TMEM67: variants seen among roughly 807,000 people sequenced by gnomAD.
The protein encoded by TMEM67 is transmembrane protein 67, also known as meckelin.
Under a neutral mutation model 136.6 loss-of-function variants are expected in TMEM67, and 124 were observed. That is an observed-to-expected ratio of 0.91 (90% CI 0.78 to 1.05). The LOEUF (loss-of-function observed/expected upper bound fraction) is 1.05. Ranked by LOEUF, TMEM67 falls within the 50% of genes least tolerant of loss-of-function variation. TMEM67 has a pLI of 0.00. For synonymous variants in TMEM67, 364 were observed against 390.5 expected, an observed-to-expected ratio of 0.93 and a Z score of 0.80; for missense variants, 1,107 against 1,178.4, an observed-to-expected ratio of 0.94 and a Z score of 0.89.
chr8:93,815,270 A>G lies in TMEM67; in HGVS notation c.2765-35A>G, dbSNP rs1435950398. On this transcript the variant is annotated intron_variant, in intron 26 of 27. Coordinates refer to ENST00000453321, the MANE Select transcript of TMEM67 (RefSeq NM_153704.6). ...TATCACAGACTTGTTCCTTTTTTAA[A>G]TTTCTAATTTATATTTTCTAAATTT... is the stretch of plus-strand genomic sequence containing the variant. 6 of 1,418,776 alleles carry G rather than the reference A, an allele frequency of 4.2e-6. No homozygotes were observed. In the African/African-American group the frequency reaches 7.2e-5, roughly 17 times the overall value. The allele number at this position is 1,418,776 out of a possible 1,614,324, so 87.9% of individuals were successfully genotyped here. A position where few individuals can be genotyped will look rare whatever the true frequency, so the allele number is the denominator to read the frequency against.
At chr8:93,789,889 G>A (rs1563466358) in intron 14 of TMEM67, among the ~76,000 whole-genome samples, 2 of 150,504 alleles carry the variant, frequency 1.3e-5, no homozygotes, top group Admixed American at 1.3e-4. Context: ...TGGCCAACAC[G>A]GTGAAACCCT....
chr8:93,827,050 C>CA, the TMEM67 span, among the ~76,000 whole-genome samples: 5 of 152,074 alleles, frequency 3.3e-5, no homozygotes, highest in Non-Finnish European at 7.4e-5. Context: ...AGGCTGGTCT[C>CA]AAACTCCTGA....
chr8:93,826,123 CTTTTTTTTTTTTTT>C, the TMEM67 span, among the ~76,000 whole-genome samples: 3 of 52,370 alleles, frequency 5.7e-5, no homozygotes, highest in African/African-American at 2.2e-4. Flanking sequence ...TTAATCATGT[CTTTTTTTTTTTTTT>C]TTTTTTTTTT....
chr8:93,756,164 G>T, intron 2 of TMEM67: 1 of 292,002 alleles, frequency 3.4e-6, no homozygotes, highest in East Asian at 8.6e-5. Context: ...GATGAATAAG[G>T]CATATATAGA....
At chr8:93,831,325 T>C in the TMEM67 span, among the ~76,000 whole-genome samples, 1 of 152,186 alleles carries the variant, frequency 6.6e-6, no homozygotes, top group African/African-American at 2.4e-5. Flanking sequence ...TGCATTTAGC[T>C]CAGCTGATGA....
chr8:93,785,521 G>C (rs1814055433), intron 12 of TMEM67, 143 bp downstream of exon 12: 17 of 779,222 alleles, frequency 2.2e-5, no homozygotes, highest in Non-Finnish European at 3.4e-5. Flanking sequence ...GCCAAAAAAT[G>C]AAACAATAAA....
At chr8:93,829,976 T>A in the TMEM67 span, among the ~76,000 whole-genome samples, 5 of 152,188 alleles carry the variant, frequency 3.3e-5, no homozygotes, top group African/African-American at 4.8e-5. Flanking sequence ...CCTTGTCTGA[T>A]TGTAGGCCAT....
chr8:93,766,377 C>T (rs1417758010), intron 6 of TMEM67, among the ~76,000 whole-genome samples: 1 of 152,168 alleles, frequency 6.6e-6, no homozygotes, highest in African/African-American at 2.4e-5. Context: ...GTTGGCCTCC[C>T]AAAGTGCTGG....
chr8:93,798,284 A>G (rs1031423862), intron 20 of TMEM67, among the ~76,000 whole-genome samples: 4 of 150,876 alleles, frequency 2.7e-5, no homozygotes, highest in African/African-American at 9.9e-5. Context: ...CTTAGAGACT[A>G]TGTGTTGATT....
intron 22 of TMEM67, among the ~76,000 whole-genome samples, 167 bp downstream of exon 22, chr8:93,803,851 T>TA (rs1814978581): frequency 6.6e-6 from 1 of 152,084 alleles, no homozygotes; most frequent in Non-Finnish European, 1.5e-5. Flanking sequence ...AGTTAATACT[T>TA]AAACTGCCTT....
At position 93,797,456 on chromosome 8, in the gene TMEM67, C is replaced by T. The variant is rs863225238; in HGVS notation, c.2086C>T (p.Leu696Phe). 2.5e-6 allele frequency: 4 copies of T among 1,613,642 alleles called. No homozygotes were observed. Residue 696 changes from leucine to phenylalanine, a missense_variant, in exon 20 of 28, where the codon CTC becomes TTC. Transcript: ENST00000453321. The stretch of plus-strand genomic sequence containing the variant: ...TTCACTCTTTCAAGTACTTACTGTC[C>T]TCTTCTTTTTGGAGGTATAAACTGT... ...INSLFQVLTVLFFLEVVGFKN... is the reference protein window; with the variant it reads ...INSLFQVLTVFFFLEVVGFKN...
At chr8:93,763,664 G>C (rs1351172395) in intron 3 of TMEM67, among the ~76,000 whole-genome samples, 178 bp from the exon 4 acceptor site, 1 of 152,038 alleles carries the variant, frequency 6.6e-6, no homozygotes, top group Non-Finnish European at 1.5e-5. Flanking sequence ...GGGTACGAAG[G>C]GATCACTTCT....
intron 15 of TMEM67, 39 bp from the exon 16 acceptor site, chr8:93,793,159 G>A: frequency 1.9e-6 from 3 of 1,572,278 alleles, no homozygotes; most frequent in Non-Finnish European, 2.6e-6. Flanking sequence ...ACCGATGACA[G>A]AAATTACATA....
chr8:93,794,729 A>G, intron 16 of TMEM67: 1 of 153,712 alleles, frequency 6.5e-6, no homozygotes, highest in Non-Finnish European at 1.4e-5. Flanking sequence ...TTCATTCTAT[A>G]ATAGTCACTG....
chr8:93,759,270 T>G lies in TMEM67; in HGVS notation c.406+694T>G, dbSNP rs986572756. ...TGAGCTCAAGAGTTTGAGACCAGTC[T>G]GGGCAACATGGTGAAACCGCATCTC... On this transcript the variant is annotated intron_variant, in intron 3 of 27. Transcript: ENST00000453321. 4 of 151,832 alleles carry G rather than the reference T, an allele frequency of 2.6e-5. No homozygotes were observed. The South Asian group carries it at 8.3e-4, about 32-fold the overall frequency. 9.4% of individuals were successfully genotyped at this position (151,832 alleles called of 1,614,324 possible). A position where few individuals can be genotyped will look rare whatever the true frequency, so the allele number is the denominator to read the frequency against.
intron 4 of TMEM67, among the ~76,000 whole-genome samples, chr8:93,764,157 A>C (rs1474859302): frequency 6.6e-6 from 1 of 152,156 alleles, no homozygotes; most frequent in African/African-American, 2.4e-5. Flanking sequence ...CTGACCTTGG[A>C]TAGCTCACTA....
intron 9 of TMEM67, among the ~76,000 whole-genome samples, chr8:93,781,253 T>C (rs1369863550): frequency 1.3e-5 from 2 of 152,162 alleles, no homozygotes; most frequent in African/African-American, 4.8e-5. Flanking sequence ...AAAAAATCTC[T>C]GTCCTGTTTT....
chr8:93,809,926 T>C (rs749261014), intron 26 of TMEM67, 39 bp downstream of exon 26: 1 of 1,348,264 alleles, frequency 7.4e-7, no homozygotes, highest in Non-Finnish European at 1.0e-6. Flanking sequence ...GATAACTGTT[T>C]TCAAAGTTTG....
In TMEM67 at chr8:93,786,330, A is replaced by T. The variant is rs780858974; in HGVS notation, c.1396A>T (p.Thr466Ser). Residue 466 changes from threonine to serine, a missense_variant, in exon 13 of 28, where the codon ACT (threonine) becomes TCT (serine). Thr to Ser is a moderately conservative substitution (Grantham distance 58). Around this residue, in one of 3 missense-constraint regions of TMEM67, gnomAD observed 925 missense variants for 1,002.4 expected, o/e 0.92. Transcript: ENST00000453321. Reference protein sequence around the residue: ...GTQPRVIRVATQISLSVHLVP... With the variant: ...GTQPRVIRVASQISLSVHLVP... ...TCAGCCAAGAGTAATTCGAGTTGCT[A>T]CTCAAATATCACTGAGGTAAACAAA... 1 of 1,613,970 alleles carries T rather than the reference A, an allele frequency of 6.2e-7. No individual in the cohort carries two copies. Among genetic ancestry groups the T allele is most frequent in the South Asian group, 1.1e-5 (1 of 91,072 alleles).
Sources: allele counts gnomAD v4.1 joint callset (sites outside exome capture counted in the v4.1 genomes callset), GRCh38; gene constraint gnomAD v4.1.1; regional missense constraint gnomAD v4.1.1; transcripts MANE v1.5; gene names NCBI Gene and HGNC (gene_info 2026-07-23, HGNC 2026-07-21).